CXXC5: variants seen among roughly 807,000 people sequenced by gnomAD.
CXXC5 encodes CXXC-type zinc finger protein 5.
Under a neutral mutation model 17.6 loss-of-function variants are expected in CXXC5, and 2 were observed. The ratio of observed to expected loss-of-function variants is 0.11; its 90% CI spans 0.05 to 0.36. The LOEUF is 0.36. Ranked by LOEUF, CXXC5 falls within the 10% of genes least tolerant of loss-of-function variation. CXXC5 has a pLI of 1.00. For missense variants in CXXC5, 343 were observed against 458.3 expected, an observed-to-expected ratio of 0.75 and a Z score of 2.30; for synonymous variants, 171 against 193.0, an observed-to-expected ratio of 0.89 and a Z score of 0.94.
In CXXC5 at chr5:139,669,080, C is replaced by T. The variant is rs1263308611; in HGVS notation, c.-160-11284C>T. On this transcript the variant is annotated intron_variant, in intron 1 of 2. Coordinates refer to ENST00000302517, the MANE Select transcript of CXXC5 (RefSeq NM_016463.9). ...CCAGCCTGCTCGCTGTGCTGAGGGC[C>T]AGGCAGGCCCTGGGCACTGAGGCAC... Among the ~76,000 whole-genome samples, 46 of 152,180 alleles carry T rather than the reference C, an allele frequency of 3.0e-4. 1 individual carries two copies. The highest frequency in any genetic ancestry group is 3.0e-3 in the Admixed American group (46 of 15,282).
In CXXC5 at chr5:139,668,954, C is replaced by G. The variant is rs1013512046; in HGVS notation, c.-160-11410C>G. Among the ~76,000 whole-genome samples, 13 of 152,128 alleles carry G rather than the reference C, an allele frequency of 8.5e-5. No individual in the cohort carries two copies. Among genetic ancestry groups the G allele is most frequent in the African/African-American group, 2.9e-4 (12 of 41,442 alleles). ...GATTTAGGGAGCTGGGCTTTGTATA[C>G]CCCTCCCAGTCTCCTCTCTTGGGGG... On this transcript the variant is annotated intron_variant, in intron 1 of 2. Coordinates refer to ENST00000302517, the MANE Select transcript of CXXC5 (RefSeq NM_016463.9). This position sits in a 1 kb window ranked among gnomAD's most constrained non-coding sequence, Gnocchi z 4.1.
intron 1 of CXXC5, among the ~76,000 whole-genome samples, chr5:139,662,398 C>T (rs1755869156): frequency 6.6e-6 from 1 of 152,028 alleles, no homozygotes; most frequent in Admixed American, 6.5e-5. Flanking sequence ...CTTCCTTGCA[C>T]TGGGCAGAAA....
chr5:139,674,265 T>C (rs1756653249), intron 1 of CXXC5, among the ~76,000 whole-genome samples: 1 of 152,142 alleles, frequency 6.6e-6, no homozygotes, highest in Non-Finnish European at 1.5e-5. Flanking sequence ...CGGGACACCC[T>C]CCCTTCCACC....
chr5:139,662,312 T>TG (rs1478065725), intron 1 of CXXC5, among the ~76,000 whole-genome samples: 1 of 152,164 alleles, frequency 6.6e-6, no homozygotes, highest in Non-Finnish European at 1.5e-5. Flanking sequence ...AAGGAAGTCC[T>TG]GGGGTGCTGA....
At chr5:139,676,846 C>T (rs1756859517) in intron 1 of CXXC5, among the ~76,000 whole-genome samples, 1 of 151,868 alleles carries the variant, frequency 6.6e-6, no homozygotes, top group Non-Finnish European at 1.5e-5. Flanking sequence ...CCTTGACCCT[C>T]TGCCCCTTCC....
At chr5:139,656,003 G>A (rs913609216) in intron 1 of CXXC5, among the ~76,000 whole-genome samples, 1 of 152,202 alleles carries the variant, frequency 6.6e-6, no homozygotes, top group Non-Finnish European at 1.5e-5. Context: ...CCCTGTACCC[G>A]CCCTCCTCTG....
intron 2 of CXXC5, 98 bp downstream of exon 2, chr5:139,681,545 G>A: frequency 7.1e-7 from 1 of 1,416,818 alleles, no homozygotes; most frequent in Non-Finnish European, 9.4e-7. Flanking sequence ...ACCTGGGCAA[G>A]TGTCTGGGGG....
At chr5:139,649,265 G>C (rs1361983665) in intron 1 of CXXC5, 1 of 152,308 alleles carries the variant, frequency 6.6e-6, no homozygotes, top group Non-Finnish European at 1.5e-5. Flanking sequence ...CTCCTTGCGG[G>C]GTGCCGCCCC....
chr5:139,673,560 G>C (rs1299755351), intron 1 of CXXC5, among the ~76,000 whole-genome samples: 1 of 152,216 alleles, frequency 6.6e-6, no homozygotes, highest in Non-Finnish European at 1.5e-5. Flanking sequence ...AACAGAGCCT[G>C]GCTGGGTGCG....
chr5:139,660,034 G>C (rs1226388000), intron 1 of CXXC5, among the ~76,000 whole-genome samples: 2 of 152,208 alleles, frequency 1.3e-5, no homozygotes, highest in Non-Finnish European at 2.9e-5. Context: ...GAAGCAGCCG[G>C]GTGGGCAGGC....
intron 1 of CXXC5, among the ~76,000 whole-genome samples, chr5:139,666,096 C>G (rs1408322632): frequency 1.3e-5 from 2 of 152,192 alleles, no homozygotes; most frequent in African/African-American, 4.8e-5. Context: ...GCAGATGAAG[C>G]CACTGAGGCT....
intron 1 of CXXC5, among the ~76,000 whole-genome samples, chr5:139,656,139 A>G (rs1199007703): frequency 1.3e-5 from 2 of 152,230 alleles, no homozygotes; most frequent in Non-Finnish European, 2.9e-5. Context: ...TACGGGCGTA[A>G]TGTTCGGGCA....
At chr5:139,674,628 T>C (rs558163469) in intron 1 of CXXC5, among the ~76,000 whole-genome samples, 1 of 152,360 alleles carries the variant, frequency 6.6e-6, no homozygotes, top group African/African-American at 2.4e-5. Context: ...TGCACAACTT[T>C]GTTGATTTAC....
chr5:139,671,253 TG>T (rs979782079), intron 1 of CXXC5, among the ~76,000 whole-genome samples: 2 of 152,138 alleles, frequency 1.3e-5, no homozygotes, highest in African/African-American at 2.4e-5. Flanking sequence ...AGGCAGACTC[TG>T]GGGGGTGACC....
At chr5:139,655,837 C>G (rs1348884915) in intron 1 of CXXC5, among the ~76,000 whole-genome samples, 2 of 152,032 alleles carry the variant, frequency 1.3e-5, no homozygotes, top group Non-Finnish European at 2.9e-5. Flanking sequence ...AGTGGCGGCT[C>G]TGGGCCCTGG....
intron 1 of CXXC5, among the ~76,000 whole-genome samples, chr5:139,651,578 T>C (rs866609435): frequency 6.6e-6 from 1 of 152,156 alleles, no homozygotes; most frequent in Non-Finnish European, 1.5e-5. Context: ...GGGGCAGGCT[T>C]GTATCTGGGT....
chr5:139,669,626 T>C (rs549735012), intron 1 of CXXC5, among the ~76,000 whole-genome samples: 51 of 152,210 alleles, frequency 3.4e-4, no homozygotes, highest in African/African-American at 1.2e-3. Context: ...TCATGGACAT[T>C]AGCCTGTCTT....
At chr5:139,680,270 G>A (rs1234330265) in intron 1 of CXXC5, 94 bp from the exon 2 acceptor site, 1 of 562,356 alleles carries the variant, frequency 1.8e-6, no homozygotes, top group Non-Finnish European at 3.1e-6. Flanking sequence ...GCACATGGTG[G>A]TCAGGATGAC....
rs569150118 is a variant in CXXC5, at chr5:139,658,171, T to A, written c.-161+9326T>A. On this transcript the variant is annotated intron_variant, in intron 1 of 2. Transcript: ENST00000302517. The surrounding 1 kb of genome is among the most constrained non-coding windows in gnomAD (Gnocchi z 4.1). ...AATTAGTTAACTGGGCTCATAGCAG[T>A]AGGCAGAAGTGGACCTGGCCCCCTT... Among the ~76,000 whole-genome samples, 7 of 152,158 alleles carry A rather than the reference T, an allele frequency of 4.6e-5. No individual in the cohort carries two copies. Among genetic ancestry groups the A allele is most frequent in the African/African-American group, 1.7e-4 (7 of 41,488 alleles).
Sources: gnomAD v4.1 joint callset for allele counts (sites outside exome capture counted in the v4.1 genomes callset) on GRCh38, gnomAD v4.1.1 for gene constraint, Gnocchi (gnomAD v3.1) non-coding constraint, MANE v1.5 for transcripts, NCBI Gene and HGNC (gene_info 2026-07-23, HGNC 2026-07-21) for gene names.